The following CCDC74A variants were observed in gnomAD, a reference collection of about 807,000 sequenced individuals.
CCDC74A encodes coiled-coil domain-containing protein 74A.
A neutral mutation model predicts 37.6 loss-of-function variants in CCDC74A; 38 were observed. The ratio of observed to expected loss-of-function variants is 1.01; its 90% CI spans 0.78 to 1.33. CCDC74A has a LOEUF of 1.33. CCDC74A is among the 40% of genes most tolerant of loss of function. The pLI, the probability that CCDC74A is intolerant of heterozygous loss-of-function variation, is 0.00. For missense variants in CCDC74A, 340 were observed against 403.4 expected (o/e 0.84, Z 1.35); for synonymous variants, 134 against 165.2 (o/e 0.81, Z 1.45).
chr2:131,530,123 G>C (rs945676875), intron 2 of CCDC74A: 1 of 1,550,172 alleles, frequency 6.5e-7, no homozygotes, highest in Non-Finnish European at 8.7e-7. Context: ...TCCATCCAGG[G>C]ATCCCTTCCT....
chr2:131,532,793 G>T lies in CCDC74A; in HGVS notation c.678+12G>T. 14 of 1,613,100 alleles carry T rather than the reference G, an allele frequency of 8.7e-6. No individual in the cohort carries two copies. The highest frequency in any genetic ancestry group is 1.1e-5 in the Non-Finnish European group (13 of 1,179,672). On this transcript the variant is annotated intron_variant, in intron 5 of 7. Coordinates refer to ENST00000409856, the MANE Select transcript of CCDC74A (RefSeq NM_001258306.3). The stretch of plus-strand genomic sequence containing the variant: ...TGCAGACCCAAGAGGTGAGGCCCTG[G>T]GTGGTGGGGGTGGCCCTGGGCAGTC...
At chr2:131,524,456 A>G (rs150345056), upstream of CCDC74A, among the ~76,000 whole-genome samples, 131 of 152,360 alleles carry the variant, frequency 8.6e-4, 1 homozygote, top group African/African-American at 2.8e-3. Context: ...GCAAGCAGCC[A>G]TGCATACATT....
At chr2:131,531,100 G>C (rs1256223352) in intron 3 of CCDC74A, among the ~76,000 whole-genome samples, 1 of 152,138 alleles carries the variant, frequency 6.6e-6, no homozygotes, top group Non-Finnish European at 1.5e-5. Flanking sequence ...GGGCCTCCCC[G>C]GGTGGCCTTC....
At chr2:131,530,902 G>T in intron 3 of CCDC74A, 75 bp downstream of exon 3, 1 of 1,577,060 alleles carries the variant, frequency 6.3e-7, no homozygotes, top group Non-Finnish European at 8.6e-7. Context: ...GCCTCTAGGG[G>T]TGCTGACCAG....
At chr2:131,523,931 G>C (rs1366714724), upstream of CCDC74A, among the ~76,000 whole-genome samples, 1 of 151,920 alleles carries the variant, frequency 6.6e-6, no homozygotes, top group Admixed American at 6.6e-5. Flanking sequence ...TCATGGGAAA[G>C]GGGCTAGTCT....
At position 131,533,243 on chromosome 2, in the gene CCDC74A, G is replaced by A. The variant is rs373192392; in HGVS notation, c.810-26G>A. 4.3e-5 allele frequency: 69 copies of A among 1,611,800 alleles called. No individual in the cohort carries two copies. In the African/African-American group the frequency reaches 5.1e-4, roughly 12 times the overall value. ...ACACTCCACTCCCGGGGATGCTCAC[G>A]GTGACAGTCCCTCTACCCGCCCCAG... On this transcript the variant is annotated intron_variant, in intron 7 of 7. Coordinates refer to ENST00000409856, the MANE Select transcript of CCDC74A (RefSeq NM_001258306.3).
intron 3 of CCDC74A, 75 bp downstream of exon 3, chr2:131,530,902 G>C (rs768551769): frequency 8.1e-5 from 128 of 1,576,944 alleles, no homozygotes; most frequent in Non-Finnish European, 1.1e-4. Context: ...GCCTCTAGGG[G>C]TGCTGACCAG....
chr2:131,530,800 C>T lies in CCDC74A; in HGVS notation c.319C>T (p.Gln107Ter), dbSNP rs766445898. Reference protein sequence around the residue: ...KKDSLSMSSFQSVKSISNSGK... With the variant: ...KKDSLSMSSF ...AGACAGCCTCTCCATGTCAAGCTTCCAGTCTGTCAAGTCCATCTCTAATTC... is the reference window on the plus strand; with the variant it reads ...AGACAGCCTCTCCATGTCAAGCTTCTAGTCTGTCAAGTCCATCTCTAATTC... The change falls in exon 3 of 8, where the codon CAG (glutamine) becomes TAG (stop). Residue 107 changes from glutamine (Q) to a stop codon, truncating the protein, a stop_gained. Coordinates refer to ENST00000409856, the MANE Select transcript of CCDC74A (RefSeq NM_001258306.3). LOFTEE classifies it high-confidence loss of function. 2 of 1,604,264 alleles carry T rather than the reference C, an allele frequency of 1.2e-6. No individual in the cohort carries two copies. The highest frequency in any genetic ancestry group is 1.7e-6 in the Non-Finnish European group (2 of 1,177,568).
At chr2:131,524,636 G>C (rs1047053590), upstream of CCDC74A, among the ~76,000 whole-genome samples, 25 of 151,960 alleles carry the variant, frequency 1.6e-4, no homozygotes, top group African/African-American at 6.0e-4. Context: ...TGTTTGCAAC[G>C]TCCCTCCTCA....
chr2:131,529,074 G>A (rs1475183050), intron 1 of CCDC74A: 7 of 189,072 alleles, frequency 3.7e-5, no homozygotes, highest in East Asian at 2.9e-4. Context: ...GGGCCCGCCA[G>A]GATGTGGGAT....
upstream of CCDC74A, chr2:131,527,722 T>G (rs963191806): frequency 1.9e-6 from 1 of 534,854 alleles, no homozygotes; most frequent in African/African-American, 2.0e-5. Context: ...CACGAACTCC[T>G]GACCTCAAAT....
chr2:131,530,833 C>G lies in CCDC74A; in HGVS notation c.346+6C>G. 1.2e-6 allele frequency: 2 copies of G among 1,607,552 alleles called. No homozygotes were observed. Among genetic ancestry groups the G allele is most frequent in the Non-Finnish European group, 1.7e-6 (2 of 1,177,512 alleles). On this transcript the variant is annotated splice_donor_region_variant and intron_variant, in intron 3 of 7. Coordinates refer to ENST00000409856, the MANE Select transcript of CCDC74A (RefSeq NM_001258306.3). Reference sequence around the variant, plus strand: ...CAAGTCCATCTCTAATTCAGGTGAGCAGGCTGGCGTCCATGTGCTCACAGG... The same window carrying G: ...CAAGTCCATCTCTAATTCAGGTGAGGAGGCTGGCGTCCATGTGCTCACAGG...
At chr2:131,530,131 C>T (rs1386200700) in intron 2 of CCDC74A, 1 of 1,550,058 alleles carries the variant, frequency 6.5e-7, no homozygotes, top group Admixed American at 2.0e-5. Flanking sequence ...GGGATCCCTT[C>T]CTGCCATCTG....
chr2:131,527,514 T>C (rs1441811003), upstream of CCDC74A, among the ~76,000 whole-genome samples: 1 of 152,008 alleles, frequency 6.6e-6, no homozygotes, highest in African/African-American at 2.4e-5. Flanking sequence ...TATTATTATT[T>C]TTTTAGACAG....
At chr2:131,523,500 G>A (rs1680197953), upstream of CCDC74A, among the ~76,000 whole-genome samples, 1 of 152,142 alleles carries the variant, frequency 6.6e-6, no homozygotes. Context: ...GGTGGCGCAT[G>A]CCTCTAATCT....
chr2:131,530,522 C>G (rs1419405492), intron 2 of CCDC74A: 2 of 1,574,900 alleles, frequency 1.3e-6, no homozygotes, highest in Non-Finnish European at 8.6e-7. Flanking sequence ...CGGGAAGAGG[C>G]CATGCTTTCC....
chr2:131,533,185 C>T, intron 7 of CCDC74A, 84 bp from the exon 8 acceptor site: 1 of 1,607,126 alleles, frequency 6.2e-7, no homozygotes, highest in Non-Finnish European at 8.5e-7. Context: ...CTCTCTGTGC[C>T]CCCGTGAGGG....
chr2:131,529,253 C>T (rs1387808177), intron 1 of CCDC74A: 1 of 368,240 alleles, frequency 2.7e-6, no homozygotes, highest in Non-Finnish European at 5.2e-6. Flanking sequence ...TCTTGAGCCT[C>T]AGGACGCCCA....
upstream of CCDC74A, among the ~76,000 whole-genome samples, chr2:131,525,758 G>A (rs544020139): frequency 6.0e-4 from 69 of 114,604 alleles, no homozygotes; most frequent in African/African-American, 2.0e-3. Context: ...TTGTTCTGTC[G>A]CCCAGGCTGG....
Sources: gnomAD v4.1 joint callset for allele counts (sites outside exome capture counted in the v4.1 genomes callset) on GRCh38, gnomAD v4.1.1 for gene constraint, MANE v1.5 for transcripts, NCBI Gene and HGNC (gene_info 2026-07-23, HGNC 2026-07-21) for gene names.